SNX29: variants seen among roughly 807,000 people sequenced by gnomAD.
SNX29 encodes the protein sorting nexin-29.
A neutral mutation model predicts 102.1 loss-of-function variants in SNX29; 78 were observed. The ratio of observed to expected loss-of-function variants is 0.76; its 90% CI spans 0.64 to 0.92. The LOEUF (loss-of-function observed/expected upper bound fraction) is 0.92. Ranked by LOEUF, SNX29 falls within the 40% of genes least tolerant of loss-of-function variation. The pLI is 0.00. For missense variants in SNX29, 1,280 were observed against 1,061.7 expected (o/e 1.21, Z -2.86); for synonymous variants, 580 against 414.5 (o/e 1.40, Z -4.85).
At chr16:12,468,717 C>A (rs908402430) in intron 18 of SNX29, among the ~76,000 whole-genome samples, 1 of 152,226 alleles carries the variant, frequency 6.6e-6, no homozygotes, top group Non-Finnish European at 1.5e-5. Flanking sequence ...GCTTGGTATA[C>A]AACAGGCCAC....
At chr16:12,564,846 A>C (rs373832175) in intron 20 of SNX29, among the ~76,000 whole-genome samples, 52 of 151,824 alleles carry the variant, frequency 3.4e-4, no homozygotes, top group African/African-American at 1.2e-3. Context: ...GTCGGCAGCT[A>C]ACAAGGGCTA....
intron 14 of SNX29, among the ~76,000 whole-genome samples, chr16:12,212,404 C>G (rs1296689772): frequency 6.6e-6 from 1 of 152,114 alleles, no homozygotes; most frequent in Non-Finnish European, 1.5e-5. Flanking sequence ...CTACTTCGTC[C>G]ATGGTAGACA....
At position 12,570,498 on chromosome 16, in the gene SNX29, T is replaced by TA. The variant is rs1175977526; in HGVS notation, c.*1870dup. The TA allele has an allele frequency of 4.3e-6, 1 of 232,380 alleles. No homozygotes were observed. The highest frequency in any genetic ancestry group is 2.2e-5 in the African/African-American group (1 of 45,266). The allele number at this position is 232,380 out of a possible 1,614,324, so 14.4% of individuals were successfully genotyped here. A position where few individuals can be genotyped will look rare whatever the true frequency, so the allele number is the denominator to read the frequency against. ...CAATCTGCTGTATGTCATGACCCCT[T>TA]AGGTTGGGTTTATGCCACATCGGTC... On this transcript the variant is annotated 3_prime_UTR_variant, in exon 21 of 21. Transcript: ENST00000566228.
intron 15 of SNX29, among the ~76,000 whole-genome samples, chr16:12,314,892 C>T (rs972646632): frequency 2.6e-5 from 4 of 152,194 alleles, no homozygotes; most frequent in African/African-American, 4.8e-5. Flanking sequence ...TGTCTCCTAC[C>T]GGGAGGCCTG....
chr16:12,540,382 CAA>C (rs2077276724), intron 20 of SNX29, among the ~76,000 whole-genome samples: 1 of 152,188 alleles, frequency 6.6e-6, no homozygotes. Flanking sequence ...GTTGCCCTAC[CAA>C]ATTGGCACAA....
At position 12,181,077 on chromosome 16, in the gene SNX29, G is replaced by T. The variant is rs563504870; in HGVS notation, c.1596-18524G>T. On this transcript the variant is annotated intron_variant, in intron 13 of 20. Transcript: ENST00000566228. Reference sequence around the variant, plus strand: ...CAGATTTGAGAGTCAGTGGAGGTGGGCCTGGGTTACCGTGGATCTCCTTGC... The same window carrying T: ...CAGATTTGAGAGTCAGTGGAGGTGGTCCTGGGTTACCGTGGATCTCCTTGC... 5.9e-5 allele frequency among the ~76,000 whole-genome samples: 9 copies of T among 152,308 alleles called. No individual in the cohort carries two copies. In the East Asian group the frequency reaches 1.5e-3, roughly 26 times the overall value.
intron 15 of SNX29, among the ~76,000 whole-genome samples, chr16:12,341,309 G>C (rs1171473266): frequency 6.6e-6 from 1 of 152,220 alleles, no homozygotes; most frequent in Non-Finnish European, 1.5e-5. Context: ...TCTGAGACCA[G>C]TTTCTTCTTG....
At chr16:12,382,961 A>G (rs1171291664) in intron 16 of SNX29, among the ~76,000 whole-genome samples, 1 of 152,042 alleles carries the variant, frequency 6.6e-6, no homozygotes, top group Non-Finnish European at 1.5e-5. Flanking sequence ...CTGCAAAGAC[A>G]CCTTTTTCCA....
chr16:12,217,742 A>G (rs1434896402), intron 14 of SNX29, among the ~76,000 whole-genome samples: 7 of 152,200 alleles, frequency 4.6e-5, no homozygotes, highest in Admixed American at 4.6e-4. Flanking sequence ...GCTATTGATC[A>G]GTGCCAAGTG....
intron 15 of SNX29, among the ~76,000 whole-genome samples, chr16:12,353,407 C>G (rs1468352618): frequency 1.4e-5 from 2 of 140,220 alleles, no homozygotes; most frequent in African/African-American, 3.3e-5. Flanking sequence ...GATGTGCTGC[C>G]AAGCCTGCTA....
chr16:12,283,559 T>A (rs1418887402), intron 15 of SNX29, among the ~76,000 whole-genome samples: 1 of 152,148 alleles, frequency 6.6e-6, no homozygotes, highest in Non-Finnish European at 1.5e-5. Flanking sequence ...GACTTCGTGA[T>A]CCACCCACCT....
At chr16:12,470,705 T>C (rs2087296758) in intron 18 of SNX29, among the ~76,000 whole-genome samples, 1 of 152,244 alleles carries the variant, frequency 6.6e-6, no homozygotes, top group Non-Finnish European at 1.5e-5. Context: ...TTTCCCCGCC[T>C]GCCTAGCATT....
Position 12,571,032 on chromosome 16 carries a change from A to G in SNX29, c.*2403A>G, listed in dbSNP as rs548626953. The G allele has an allele frequency of 8.6e-6, 2 of 232,330 alleles. No homozygotes were observed. The highest frequency in any genetic ancestry group is 5.6e-5 in the Admixed American group (1 of 17,750). The allele number at this position is 232,330 out of a possible 1,614,324, so 14.4% of individuals were successfully genotyped here. A position where few individuals can be genotyped will look rare whatever the true frequency, so the allele number is the denominator to read the frequency against. ...TCGAGTCATCTCGCAGATCCAGACC[A>G]TCTCCTCTCATTCTCACTCTAAAAA... On this transcript the variant is annotated 3_prime_UTR_variant, in exon 21 of 21. Coordinates refer to ENST00000566228, the MANE Select transcript of SNX29 (RefSeq NM_032167.5).
At chr16:12,548,306 G>A (rs185749470) in intron 20 of SNX29, among the ~76,000 whole-genome samples, 2 of 152,312 alleles carry the variant, frequency 1.3e-5, no homozygotes, top group Admixed American at 6.5e-5. Flanking sequence ...TGTCCCTGGA[G>A]CCCTACTCTC....
intron 15 of SNX29, among the ~76,000 whole-genome samples, chr16:12,285,412 C>G (rs77896599): frequency 2.6e-5 from 4 of 152,132 alleles, no homozygotes; most frequent in Non-Finnish European, 5.9e-5. Flanking sequence ...AGACACTTAT[C>G]GTTTACTGTC....
chr16:12,514,868 A>G (rs892246736), intron 19 of SNX29, among the ~76,000 whole-genome samples: 11 of 151,708 alleles, frequency 7.3e-5, no homozygotes, highest in Non-Finnish European at 1.3e-4. Flanking sequence ...AGGTCTCTAA[A>G]AAACAAAGAA....
chr16:12,285,055 C>T (rs73506134), intron 15 of SNX29, among the ~76,000 whole-genome samples: 1 of 152,138 alleles, frequency 6.6e-6, no homozygotes, highest in Non-Finnish European at 1.5e-5. Context: ...AGCCTGATTT[C>T]CCCACTTTTC....
intron 18 of SNX29, among the ~76,000 whole-genome samples, chr16:12,440,602 A>G (rs1398597431): frequency 1.3e-5 from 2 of 151,892 alleles, no homozygotes; most frequent in Admixed American, 6.6e-5. Context: ...CCCACCCTCC[A>G]CCCACCAGAA....
intron 16 of SNX29, among the ~76,000 whole-genome samples, chr16:12,367,849 G>A (rs1174818401): frequency 6.6e-6 from 1 of 152,218 alleles, no homozygotes; most frequent in African/African-American, 2.4e-5. Flanking sequence ...TGCCATTTAA[G>A]AGGGGCTACT....
Sources: allele counts gnomAD v4.1 joint callset (sites outside exome capture counted in the v4.1 genomes callset), GRCh38; gene constraint gnomAD v4.1.1; transcripts MANE v1.5; gene names NCBI Gene and HGNC (gene_info 2026-07-23, HGNC 2026-07-21).